The following VPS13B variants were observed in gnomAD, a reference collection of about 807,000 sequenced individuals.
The protein encoded by VPS13B is vacuolar protein sorting 13 homolog B, also known as intermembrane lipid transfer protein VPS13B.
VPS13B carries 285 observed loss-of-function variants against 426.4 expected under a neutral mutation model. The ratio of observed to expected loss-of-function variants is 0.67; its 90% CI spans 0.61 to 0.74. VPS13B has a LOEUF of 0.74. VPS13B is among the 30% of genes least tolerant of loss of function. VPS13B has a pLI of 0.00. For missense variants in VPS13B, 4,537 were observed against 4,782.6 expected (o/e 0.95, Z 1.51); for synonymous variants, 1,676 against 1,676.4 (o/e 1.00, Z 0.01).
At chr8:99,568,893 G>A (rs1224751376) in intron 31 of VPS13B, among the ~76,000 whole-genome samples, 6 of 150,026 alleles carry the variant, frequency 4.0e-5, no homozygotes, top group African/African-American at 1.2e-4. Context: ...CTCACTGCAA[G>A]CTCTGTCTCC....
chr8:99,193,005 C>G lies in VPS13B; in HGVS notation c.2463C>G (p.Val821=). 1 of 1,613,724 alleles carries G rather than the reference C, an allele frequency of 6.2e-7. No homozygotes were observed. The highest frequency in any genetic ancestry group is 1.1e-5 in the South Asian group (1 of 91,066). The part of the protein sequence containing the change: ...IYQSWSHLGN[V]SSSAVIEALI... Reference sequence around the variant, plus strand: ...AAAGTTGGTCTCATCTTGGAAATGTCAGCTCTTCCGCAGTGATTGAAGCTT... The same window carrying G: ...AAAGTTGGTCTCATCTTGGAAATGTGAGCTCTTCCGCAGTGATTGAAGCTT... Residue 821 remains valine (V), a synonymous_variant, in exon 17 of 62, where the codon GTC becomes GTG. Coordinates refer to ENST00000357162, the MANE Select transcript of VPS13B (RefSeq NM_152564.5).
At chr8:99,493,530 G>A (rs767085864) in intron 25 of VPS13B, among the ~76,000 whole-genome samples, 3 of 152,132 alleles carry the variant, frequency 2.0e-5, no homozygotes, top group East Asian at 1.9e-4. Flanking sequence ...CACACCTGTC[G>A]TCTGAGCACT....
chr8:99,733,176 C>T (rs140248825), intron 39 of VPS13B, among the ~76,000 whole-genome samples: 352 of 152,276 alleles, frequency 2.3e-3, no homozygotes, highest in Admixed American at 2.5e-3. Context: ...AAGTATTTGC[C>T]TCCTATGAGA....
chr8:99,777,402 G>A (rs1450949378), intron 41 of VPS13B, among the ~76,000 whole-genome samples: 1 of 152,152 alleles, frequency 6.6e-6, no homozygotes, highest in East Asian at 1.9e-4. Context: ...TACATGGAAG[G>A]CAACAGGCTA....
chr8:99,500,802 A>G (rs1286849451), intron 25 of VPS13B, among the ~76,000 whole-genome samples: 2 of 152,228 alleles, frequency 1.3e-5, no homozygotes, highest in African/African-American at 2.4e-5. Context: ...AAAGAACTCA[A>G]CATATCAATG....
intron 3 of VPS13B, among the ~76,000 whole-genome samples, chr8:99,050,549 A>C (rs1843485255): frequency 6.6e-6 from 1 of 152,166 alleles, no homozygotes; most frequent in East Asian, 1.9e-4. Flanking sequence ...GGCATATACC[A>C]AGTAATGGAT....
chr8:99,197,571 A>G (rs1440111043), intron 17 of VPS13B, among the ~76,000 whole-genome samples: 2 of 152,148 alleles, frequency 1.3e-5, no homozygotes, highest in Non-Finnish European at 2.9e-5. Context: ...AGCTTATCCA[A>G]TCCATTGGTG....
chr8:99,233,886 C>A, intron 17 of VPS13B: 1 of 781,664 alleles, frequency 1.3e-6, no homozygotes, highest in South Asian at 1.3e-5. Context: ...GTGTGGCATG[C>A]TTCAGAAGTC....
rs80158379 is a variant in VPS13B at position 99,071,307 on chromosome 8, A to G, written c.292-25005A>G. Among the ~76,000 whole-genome samples, 1,519 of 152,202 alleles carry G rather than the reference A, an allele frequency of 1.0e-2. 34 individuals carry two copies. The highest frequency in any genetic ancestry group is 0.035 in the African/African-American group (1,456 of 41,548). ...TCTTTGGTTGCTGCAGCTGTATCGC[A>G]CTGGGGGCACCTGAAGCCTAGTAAT... is the stretch of plus-strand genomic sequence containing the variant. On this transcript the variant is annotated intron_variant, in intron 3 of 61. Coordinates refer to ENST00000357162, the MANE Select transcript of VPS13B (RefSeq NM_152564.5).
Position 99,384,235 on chromosome 8 carries a change from G to T in VPS13B, c.2852G>T (p.Gly951Val), listed in dbSNP as rs770406179. ...GCTGTACTTCTTTGCAGTATACAAG[G>T]ACTAGCAGTTAATATTGACCCAATC... ...SGAVLLCSIQ[G>V]LAVNIDPILY... Residue 951 changes from glycine (G) to valine (V), a missense_variant, in exon 20 of 62, where the codon GGA becomes GTA. Coordinates refer to ENST00000357162, the MANE Select transcript of VPS13B (RefSeq NM_152564.5). The T allele has an allele frequency of 6.2e-7, 1 of 1,613,890 alleles. No homozygotes were observed. Among genetic ancestry groups the T allele is most frequent in the Admixed American group, 1.7e-5 (1 of 59,992 alleles).
intron 14 of VPS13B, among the ~76,000 whole-genome samples, chr8:99,152,619 A>AT (rs1044765465): frequency 4.6e-5 from 7 of 151,964 alleles, no homozygotes; most frequent in African/African-American, 1.4e-4. Context: ...GGTTTGTTGG[A>AT]TTTTTTCCTT....
intron 20 of VPS13B, among the ~76,000 whole-genome samples, chr8:99,387,805 C>G (rs777721398): frequency 1.3e-5 from 2 of 151,984 alleles, no homozygotes; most frequent in Non-Finnish European, 2.9e-5. Context: ...AGAATGATTA[C>G]TATTGTTGTG....
At chr8:99,346,897 A>C (rs1376259229) in intron 19 of VPS13B, 1 of 152,348 alleles carries the variant, frequency 6.6e-6, no homozygotes, top group Non-Finnish European at 1.5e-5. Flanking sequence ...GGGCTTGAGG[A>C]TCTCTAGGGA....
At chr8:99,549,409 A>G (rs1414420793) in intron 30 of VPS13B, among the ~76,000 whole-genome samples, 1 of 152,096 alleles carries the variant, frequency 6.6e-6, no homozygotes, top group South Asian at 2.1e-4. Flanking sequence ...TTGACATTTT[A>G]TACAGAGTCT....
chr8:99,780,967 A>G (rs1811993709), intron 42 of VPS13B, among the ~76,000 whole-genome samples: 1 of 152,184 alleles, frequency 6.6e-6, no homozygotes, highest in Admixed American at 6.5e-5. Flanking sequence ...GCTCACATAT[A>G]GTGTAATTGC....
chr8:99,113,839 AGGCATGAGTCACTGCGCCT>A (rs1262254750), intron 6 of VPS13B, among the ~76,000 whole-genome samples: 1 of 152,178 alleles, frequency 6.6e-6, no homozygotes, highest in African/African-American at 2.4e-5. Flanking sequence ...CTGGGATTAC[AGGCATGAGTCACTGCGCCT>A]GGCCCCTCTA....
At chr8:99,276,941 A>G (rs1818930402) in intron 19 of VPS13B, among the ~76,000 whole-genome samples, 1 of 152,130 alleles carries the variant, frequency 6.6e-6, no homozygotes, top group Non-Finnish European at 1.5e-5. Context: ...ATATACAATG[A>G]AAATAAATTA....
chr8:99,466,142 T>G (rs1437564958), intron 23 of VPS13B, among the ~76,000 whole-genome samples: 1 of 152,106 alleles, frequency 6.6e-6, no homozygotes, highest in Non-Finnish European at 1.5e-5. Context: ...TGATCTCATC[T>G]CTGCCTGGGC....
At chr8:99,075,150 G>T (rs906148028) in intron 3 of VPS13B, among the ~76,000 whole-genome samples, 3 of 152,044 alleles carry the variant, frequency 2.0e-5, no homozygotes, top group African/African-American at 7.2e-5. Context: ...ATTGAATCTT[G>T]TTACACATTA....
Sources: gnomAD v4.1 joint callset for allele counts (sites outside exome capture counted in the v4.1 genomes callset) on GRCh38, gnomAD v4.1.1 for gene constraint, MANE v1.5 for transcripts, NCBI Gene and HGNC (gene_info 2026-07-23, HGNC 2026-07-21) for gene names.